GRAMD1B: variants seen among roughly 807,000 people sequenced by gnomAD.
GRAMD1B encodes the protein protein Aster-B.
In GRAMD1B, 37 loss-of-function variants were observed where a neutral mutation model predicts 99.7. That is an observed-to-expected ratio of 0.37 (90% CI 0.29 to 0.49). The LOEUF is 0.49. Among genes scored for constraint, GRAMD1B ranks in the 20% least tolerant of loss-of-function variants. GRAMD1B has a pLI of 0.98. For missense variants in GRAMD1B, 888 were observed against 1,009.2 expected (o/e 0.88, Z 1.63); for synonymous variants, 427 against 387.6 (o/e 1.10, Z -1.19).
At chr11:123,392,791 A>G (rs1033037435) in intron 1 of GRAMD1B, among the ~76,000 whole-genome samples, 12 of 152,098 alleles carry the variant, frequency 7.9e-5, no homozygotes, top group African/African-American at 2.7e-4. Context: ...ACTCCTATCT[A>G]CTTTTATACT....
At chr11:123,594,331 A>G (rs1050359186) in intron 5 of GRAMD1B, among the ~76,000 whole-genome samples, 165 bp downstream of exon 5, 3 of 152,164 alleles carry the variant, frequency 2.0e-5, no homozygotes. Flanking sequence ...CTCGAGGCTG[A>G]GTATCAGGCT....
upstream of GRAMD1B, among the ~76,000 whole-genome samples, chr11:123,427,531 T>C (rs1299217312): frequency 1.3e-5 from 2 of 152,226 alleles, no homozygotes; most frequent in African/African-American, 2.4e-5. Flanking sequence ...GTCTTAACAG[T>C]AATGTTGGCT....
intron 17 of GRAMD1B, among the ~76,000 whole-genome samples, chr11:123,617,218 C>T (rs1265334757): frequency 7.1e-6 from 1 of 140,928 alleles, no homozygotes; most frequent in East Asian, 2.0e-4. Flanking sequence ...GGTTCTCACT[C>T]TGTTGCCCAG....
chr11:123,480,498 G>C (rs1396807466), intron 1 of GRAMD1B, among the ~76,000 whole-genome samples: 1 of 152,118 alleles, frequency 6.6e-6, no homozygotes, highest in Admixed American at 6.5e-5. Context: ...AAGAGGAGTG[G>C]GTAGAGAGAA....
At chr11:123,429,755 C>T (rs1714847259), upstream of GRAMD1B, among the ~76,000 whole-genome samples, 1 of 152,148 alleles carries the variant, frequency 6.6e-6, no homozygotes, top group Admixed American at 6.5e-5. The surrounding 1 kb of genome is among the most constrained non-coding windows in gnomAD (Gnocchi z 4.0). Context: ...CTCACGCCGC[C>T]ACGGGAGAAC....
At chr11:123,584,371 A>AATTGGGTGGGGG in intron 4 of GRAMD1B, 39 bp downstream of exon 4, 2 of 127,452 alleles carry the variant, frequency 1.6e-5, no homozygotes, top group Non-Finnish European at 1.2e-5. Context: ...GGTACCTGAG[A>AATTGGGTGGGGG]AATGGGAGGG....
intron 2 of GRAMD1B, among the ~76,000 whole-genome samples, chr11:123,552,273 C>CTTTTTTTT (rs71060514): frequency 1.1e-3 from 137 of 119,246 alleles, no homozygotes; most frequent in Middle Eastern, 4.5e-3. Flanking sequence ...CTCTTTCTTT[C>CTTTTTTTT]TTTTTTTTTT....
intron 2 of GRAMD1B, among the ~76,000 whole-genome samples, chr11:123,501,160 T>C (rs1221148511): frequency 6.6e-6 from 1 of 151,900 alleles, no homozygotes; most frequent in Non-Finnish European, 1.5e-5. Context: ...CTTTTTTGTT[T>C]GTTTATTTTT....
rs777736893 is a variant in GRAMD1B at position 123,448,978 on chromosome 11, T to C, written c.374+17812T>C. On this transcript the variant is annotated intron_variant, in intron 1 of 19. Coordinates refer to ENST00000635736, the MANE Select transcript of GRAMD1B (RefSeq NM_001387025.1). ...TCATCCACCTGCTGCTCTTGTGTGC[T>C]CTGCCTCCAGCCAGTCTGACCTTTT... Among the ~76,000 whole-genome samples, 95 of 152,340 alleles carry C rather than the reference T, an allele frequency of 6.2e-4. 1 individual carries two copies. Among genetic ancestry groups the C allele is most frequent in the Non-Finnish European group, 7.3e-4 (50 of 68,030 alleles).
intron 4 of GRAMD1B, among the ~76,000 whole-genome samples, chr11:123,588,291 A>G (rs957410854): frequency 2.0e-5 from 3 of 152,054 alleles, no homozygotes; most frequent in Admixed American, 1.3e-4. Flanking sequence ...TGTTTGCCGT[A>G]GAGTTAATGT....
rs151060576 is a variant in GRAMD1B, at chr11:123,478,696, C to T, written c.375-2120C>T. ...TTTATTAGTTTAAAATTTTGATTGC[C>T]GGGGGAGGATAGGGGGACTAGGAAG... On this transcript the variant is annotated intron_variant, in intron 1 of 19. Transcript: ENST00000635736. Among the ~76,000 whole-genome samples, 7 of 152,112 alleles carry T rather than the reference C, an allele frequency of 4.6e-5. No individual in the cohort carries two copies. In the East Asian group the frequency reaches 7.7e-4, roughly 17 times the overall value.
rs76093589 is a variant in GRAMD1B, at chr11:123,430,971, T to G, written c.179T>G (p.Leu60Arg). ...NVQEQSLEAG[L>R]ARDLPAVLAP... is the part of the protein sequence containing the mutation. Reference sequence around the variant, plus strand: ...CAGGAGCAGAGCCTGGAGGCCGGGCTGGCCCGGGACCTGCCCGCCGTCTTG... The same window carrying G: ...CAGGAGCAGAGCCTGGAGGCCGGGCGGGCCCGGGACCTGCCCGCCGTCTTG... The change falls in exon 1 of 20, where the codon CTG (leucine) becomes CGG (arginine). Residue 60 changes from leucine to arginine, a missense_variant. Physicochemically the swap from Leu to Arg is moderately radical, Grantham distance 102. Transcript: ENST00000635736. 733 of 702,826 alleles carry G rather than the reference T, an allele frequency of 1.0e-3. 11 individuals are homozygous for G. In the East Asian group the frequency reaches 0.017, roughly 17 times the overall value. 43.5% of individuals were successfully genotyped at this position (702,826 alleles called of 1,614,324 possible). A position where few individuals can be genotyped will look rare whatever the true frequency, so the allele number is the denominator to read the frequency against.
At chr11:123,559,659 A>G (rs1202699704) in intron 2 of GRAMD1B, 2 of 984,460 alleles carry the variant, frequency 2.0e-6, no homozygotes, top group African/African-American at 3.5e-5. Flanking sequence ...GCTTAGAATT[A>G]GAAGACCCAG....
chr11:123,366,605 G>A (rs1398205119), intron 1 of GRAMD1B, among the ~76,000 whole-genome samples: 1 of 152,238 alleles, frequency 6.6e-6, no homozygotes, highest in Non-Finnish European at 1.5e-5. Flanking sequence ...GATCTTGAGA[G>A]AAGATGAAAG....
intron 3 of GRAMD1B, among the ~76,000 whole-genome samples, chr11:123,583,467 T>C (rs1012286140): frequency 2.0e-5 from 3 of 152,136 alleles, no homozygotes; most frequent in African/African-American, 7.2e-5. Context: ...AGTATGTGTG[T>C]GTATATGTGC....
At chr11:123,598,963 G>A in intron 7 of GRAMD1B, 1 of 1,042,090 alleles carries the variant, frequency 9.6e-7, no homozygotes. Flanking sequence ...AAGATGGACA[G>A]GTATGTGATA....
At chr11:123,501,368 A>G (rs1939840123) in intron 2 of GRAMD1B, among the ~76,000 whole-genome samples, 1 of 151,906 alleles carries the variant, frequency 6.6e-6, no homozygotes, top group Admixed American at 6.6e-5. Flanking sequence ...ATGCGGTCTC[A>G]TCATGTTGGC....
At chr11:123,487,752 G>A (rs1039134526) in intron 2 of GRAMD1B, among the ~76,000 whole-genome samples, 1 of 152,114 alleles carries the variant, frequency 6.6e-6, no homozygotes, top group Admixed American at 6.5e-5. Context: ...TTAGCTGGGC[G>A]CCCGCCATCA....
At chr11:123,429,633 A>C (rs1050588439), upstream of GRAMD1B, among the ~76,000 whole-genome samples, 1 of 152,136 alleles carries the variant, frequency 6.6e-6, no homozygotes, top group Non-Finnish European at 1.5e-5. This position sits in a 1 kb window ranked among gnomAD's most constrained non-coding sequence, Gnocchi z 4.0. Context: ...TGGTACTGGC[A>C]GCTGGCTCAT....
Sources: allele counts gnomAD v4.1 joint callset (sites outside exome capture counted in the v4.1 genomes callset), GRCh38; gene constraint gnomAD v4.1.1; non-coding constraint Gnocchi (gnomAD v3.1); transcripts MANE v1.5; gene names NCBI Gene and HGNC (gene_info 2026-07-23, HGNC 2026-07-21).